Variants in SUCLG1 observed in about 807,000 individuals in gnomAD.
SUCLG1 encodes the protein succinate--CoA ligase [ADP/GDP-forming] subunit alpha, mitochondrial.
A neutral mutation model predicts 37.3 loss-of-function variants in SUCLG1; 26 were observed. The observed-to-expected ratio is 0.70, with a 90% CI of 0.51 to 0.97. The LOEUF is 0.97. Ranked by LOEUF, SUCLG1 falls within the 50% of genes least tolerant of loss-of-function variation. The probability of loss-of-function intolerance (pLI) is 0.00; values close to 1 mark genes in which losing one functional copy is unlikely to be tolerated. For missense variants in SUCLG1, 433 were observed against 432.9 expected, an observed-to-expected ratio of 1.00 and a Z score of 0.00; for synonymous variants, 163 against 155.6, an observed-to-expected ratio of 1.05 and a Z score of -0.36.
Position 84,449,762 on chromosome 2 carries a change from TAAAAAAAAAAAA to T in SUCLG1, c.98-22_98-11del, listed in dbSNP as rs56733272. On this transcript the variant is annotated splice_polypyrimidine_tract_variant and intron_variant, in intron 1 of 8. Transcript: ENST00000393868. ...ATTCCATTCTGCGGCACTAAGAGGT[TAAAAAAAAAAAA>T]AAAAAAAAAAAAAGACACATTATAA... 1.5e-5 allele frequency: 12 copies of T among 791,222 alleles called. No homozygotes were observed. Among genetic ancestry groups the T allele is most frequent in the South Asian group, 4.0e-5 (2 of 49,554 alleles). 49.0% of individuals were successfully genotyped at this position (791,222 alleles called of 1,614,324 possible).
intron 8 of SUCLG1, 140 bp downstream of exon 8, chr2:84,425,275 G>A (rs1672514804): frequency 1.1e-6 from 1 of 933,576 alleles, no homozygotes; most frequent in African/African-American, 1.6e-5. Flanking sequence ...CATCAATAGA[G>A]TTGATACAAA....
intron 3 of SUCLG1, among the ~76,000 whole-genome samples, chr2:84,442,562 A>G (rs891131704): frequency 2.0e-5 from 3 of 152,216 alleles, no homozygotes; most frequent in Non-Finnish European, 4.4e-5. Context: ...CAGAGGCAAA[A>G]TCTGAGATTT....
intron 5 of SUCLG1, chr2:84,433,666 G>A: frequency 1.9e-6 from 1 of 538,814 alleles, no homozygotes; most frequent in Non-Finnish European, 3.3e-6. Context: ...ATTAGTTAAG[G>A]TTATTTTATG....
intron 1 of SUCLG1, among the ~76,000 whole-genome samples, chr2:84,458,787 C>A (rs959955683): frequency 6.6e-6 from 1 of 152,180 alleles, no homozygotes; most frequent in Admixed American, 6.5e-5. Context: ...TCAACCCAGA[C>A]CCTTACCTTC....
In SUCLG1 at chr2:84,441,582, A is replaced by C. The variant is rs17025048; in HGVS notation, c.319-123T>G. The stretch of plus-strand genomic sequence containing the variant: ...AAAGGACACTACCCAGAGACATAGC[A>C]TTCTTCCCATTCTCAAATTTGCTAC... On this transcript the variant is annotated intron_variant, in intron 3 of 8. Transcript: ENST00000393868. The C allele has an allele frequency of 0.027, 29,360 of 1,076,936 alleles. 1,268 individuals carry two copies. Among genetic ancestry groups the C allele is most frequent in the African/African-American group, 0.17 (10,603 of 63,654 alleles). 66.7% of individuals were successfully genotyped at this position (1,076,936 alleles called of 1,614,324 possible).
At position 84,459,213 on chromosome 2, in the gene SUCLG1, G is replaced by C; in HGVS notation, c.57C>G (p.Ser19Arg). 1 of 1,550,202 alleles carries C rather than the reference G, an allele frequency of 6.5e-7. No individual in the cohort carries two copies. Among genetic ancestry groups the C allele is most frequent in the Non-Finnish European group, 8.7e-7 (1 of 1,146,706 alleles). Residue 19 changes from serine to arginine, a missense_variant, in exon 1 of 9, where the codon AGC (serine) becomes AGG (arginine). Ser to Arg is a moderately radical substitution (Grantham distance 110). Transcript: ENST00000393868. ...ACAGGAGACGGGCGGCGGCGAGGCC[G>C]CTGCTGCCGGAGACCATGGTAGCGA... ...ADIATMVSGS[S>R]GLAAARLLSR...
At chr2:84,452,073 T>C (rs1672950871) in intron 1 of SUCLG1, among the ~76,000 whole-genome samples, 1 of 151,984 alleles carries the variant, frequency 6.6e-6, no homozygotes, top group Non-Finnish European at 1.5e-5. Context: ...TAATGTCAGG[T>C]GTCAAGGATA....
chr2:84,453,502 C>A (rs1327026062), intron 1 of SUCLG1, among the ~76,000 whole-genome samples: 1 of 151,990 alleles, frequency 6.6e-6, no homozygotes, highest in African/African-American at 2.4e-5. Context: ...GCAACCTCCA[C>A]CTCTCGGGTT....
At chr2:84,438,330 TTG>T (rs1672718526) in intron 5 of SUCLG1, among the ~76,000 whole-genome samples, 4 of 152,142 alleles carry the variant, frequency 2.6e-5, no homozygotes, top group Non-Finnish European at 5.9e-5. Flanking sequence ...TGACATGTGG[TTG>T]AGAGTAACAA....
intron 1 of SUCLG1, among the ~76,000 whole-genome samples, chr2:84,450,094 G>C (rs1215083402): frequency 1.3e-5 from 2 of 151,996 alleles, no homozygotes; most frequent in Admixed American, 6.6e-5. Context: ...ATTAAATCCA[G>C]GGACTGAAAA....
Position 84,427,043 on chromosome 2 carries a change from C to A in SUCLG1, c.826-1440G>T, listed in dbSNP as rs557547827. Reference sequence around the variant, plus strand: ...ACATTTTAACACTTTAAAAACCATTCTAGTGAGAAGAGTTGCGTTATTTTA... The same window carrying A: ...ACATTTTAACACTTTAAAAACCATTATAGTGAGAAGAGTTGCGTTATTTTA... On this transcript the variant is annotated intron_variant, in intron 7 of 8. Transcript: ENST00000393868. 2.0e-5 allele frequency: 3 copies of A among 153,834 alleles called. No individual in the cohort carries two copies. In the East Asian group the frequency reaches 5.8e-4, roughly 30 times the overall value. 9.5% of individuals were successfully genotyped at this position (153,834 alleles called of 1,614,324 possible). A position where few individuals can be genotyped will look rare whatever the true frequency, so the allele number is the denominator to read the frequency against.
chr2:84,445,628 C>A (rs1329047070), intron 2 of SUCLG1, among the ~76,000 whole-genome samples: 1 of 152,196 alleles, frequency 6.6e-6, no homozygotes, highest in Non-Finnish European at 1.5e-5. Flanking sequence ...TGAAGCCATC[C>A]TTGATTATTC....
intron 1 of SUCLG1, among the ~76,000 whole-genome samples, chr2:84,452,143 A>G (rs2104266774): frequency 6.6e-6 from 1 of 152,166 alleles, no homozygotes; most frequent in East Asian, 1.9e-4. Context: ...GAACTCATAT[A>G]AAAGTGGGCC....
chr2:84,425,167 T>C (rs750710340), intron 8 of SUCLG1, among the ~76,000 whole-genome samples: 18 of 152,262 alleles, frequency 1.2e-4, no homozygotes, highest in Non-Finnish European at 2.4e-4. Context: ...GTGTATGTTG[T>C]ATCTTGCCAC....
intron 8 of SUCLG1, among the ~76,000 whole-genome samples, chr2:84,424,857 C>G (rs1672510886): frequency 6.6e-6 from 1 of 152,028 alleles, no homozygotes; most frequent in Non-Finnish European, 1.5e-5. Context: ...GCAAAACAAA[C>G]AAACAAAAAA....
At chr2:84,444,202 G>A (rs1461068225) in intron 2 of SUCLG1, among the ~76,000 whole-genome samples, 1 of 152,106 alleles carries the variant, frequency 6.6e-6, no homozygotes, top group Non-Finnish European at 1.5e-5. Context: ...TCTCTCCTTA[G>A]TATTGGGGGA....
At chr2:84,455,198 T>A (rs992173262) in intron 1 of SUCLG1, among the ~76,000 whole-genome samples, 6 of 152,112 alleles carry the variant, frequency 3.9e-5, no homozygotes, top group African/African-American at 1.4e-4. Context: ...CCATATTTCA[T>A]CAAATATAAA....
In SUCLG1 at chr2:84,441,313, G is replaced by T. The variant is rs1472616229; in HGVS notation, c.465C>A (p.Val155=). The T allele has an allele frequency of 4.3e-6, 7 of 1,613,926 alleles. No individual in the cohort carries two copies. In the African/African-American group the frequency reaches 9.3e-5, roughly 22 times the overall value. The change falls in exon 4 of 9, where the codon GTC becomes GTA. Residue 155 remains valine, a synonymous_variant. Transcript: ENST00000393868. ...TTTCCTGGCGCAGCAGTTTGTGCTT[G>T]ACTCGTACCATGTCCTGCTGGGGAA... The part of the protein sequence containing the change: ...EGIPQQDMVR[V]KHKLLRQEKT...
At chr2:84,455,162 G>A (rs1335644813) in intron 1 of SUCLG1, among the ~76,000 whole-genome samples, 7 of 152,036 alleles carry the variant, frequency 4.6e-5, no homozygotes, top group African/African-American at 1.5e-4. Flanking sequence ...ATTGACTTAC[G>A]AGTGAAGTTT....
Sources: allele counts gnomAD v4.1 joint callset (sites outside exome capture counted in the v4.1 genomes callset), GRCh38; gene constraint gnomAD v4.1.1; transcripts MANE v1.5; gene names NCBI Gene and HGNC (gene_info 2026-07-23, HGNC 2026-07-21).